CGNL1: variants seen among roughly 807,000 people sequenced by gnomAD.
CGNL1 encodes the protein cingulin like 1.
A neutral mutation model predicts 141.2 loss-of-function variants in CGNL1; 132 were observed. That is an observed-to-expected ratio of 0.93 (90% confidence interval 0.81 to 1.08). The LOEUF (loss-of-function observed/expected upper bound fraction) is 1.08. CGNL1 is among the 50% of genes least tolerant of loss of function. CGNL1 has a pLI of 0.00. For missense variants in CGNL1, 1,870 were observed against 1,588.6 expected (o/e 1.18, Z -3.01); for synonymous variants, 690 against 622.1 (o/e 1.11, Z -1.63).
chr15:57,513,667 C>A (rs966329496), intron 8 of CGNL1, among the ~76,000 whole-genome samples: 33 of 152,076 alleles, frequency 2.2e-4, no homozygotes, highest in African/African-American at 7.7e-4. Flanking sequence ...ATTACAGGCA[C>A]CTGCTACCAT....
At chr15:57,504,038 G>A (rs1274864348) in intron 8 of CGNL1, among the ~76,000 whole-genome samples, 1 of 152,102 alleles carries the variant, frequency 6.6e-6, no homozygotes, top group Non-Finnish European at 1.5e-5. Flanking sequence ...CGCTGGGAGT[G>A]GCATGGCATT....
Position 57,516,877 on chromosome 15 carries a change from T to G in CGNL1, c.2501T>G (p.Leu834Arg), listed in dbSNP as rs2030849099. 2 of 1,613,416 alleles carry G rather than the reference T, an allele frequency of 1.2e-6. No homozygotes were observed. Among genetic ancestry groups the G allele is most frequent in the Non-Finnish European group, 1.7e-6 (2 of 1,180,014 alleles). Residue 834 changes from leucine (L) to arginine (R), a missense_variant, in exon 9 of 19, where the codon CTG (leucine) becomes CGG (arginine). Leu to Arg is a moderately radical substitution (Grantham distance 102). Transcript: ENST00000281282. ...VKLLQEENEK[L>R]QGRSEELERR... ...CTTCTGCAGGAGGAGAATGAGAAGC[T>G]GCAGGGAAGAAGCGAAGAGCTGGAG...
chr15:57,385,619 G>T (rs1177821629), intron 1 of CGNL1, among the ~76,000 whole-genome samples: 1 of 152,178 alleles, frequency 6.6e-6, no homozygotes, highest in African/African-American at 2.4e-5. Flanking sequence ...TGGCTCTTTG[G>T]TTCCTCTTCC....
chr15:57,484,313 T>A (rs2063761491), intron 8 of CGNL1, among the ~76,000 whole-genome samples: 1 of 152,224 alleles, frequency 6.6e-6, no homozygotes, highest in Non-Finnish European at 1.5e-5. Flanking sequence ...TTATTATATT[T>A]AATATCGCAT....
chr15:57,378,148 G>A (rs1197774998), intron 1 of CGNL1, among the ~76,000 whole-genome samples: 2 of 152,142 alleles, frequency 1.3e-5, no homozygotes, highest in African/African-American at 4.8e-5. Flanking sequence ...TAAGGAAAAT[G>A]TAACCATGCT....
intron 8 of CGNL1, among the ~76,000 whole-genome samples, chr15:57,486,914 G>A (rs534771287): frequency 3.0e-4 from 46 of 152,198 alleles, no homozygotes; most frequent in African/African-American, 1.0e-3. Flanking sequence ...ATTGGGAGTG[G>A]TGTTTTAGAA....
At chr15:57,423,962 A>G (rs988668244) in intron 1 of CGNL1, among the ~76,000 whole-genome samples, 1 of 152,150 alleles carries the variant, frequency 6.6e-6, no homozygotes, top group African/African-American at 2.4e-5. Flanking sequence ...TTCTCCATCT[A>G]TGTGACTTCC....
chr15:57,525,893 A>C (rs2031581365), intron 12 of CGNL1, among the ~76,000 whole-genome samples: 1 of 152,176 alleles, frequency 6.6e-6, no homozygotes, highest in Non-Finnish European at 1.5e-5. Context: ...GGTATTAAAA[A>C]AAAAAAAATC....
Position 57,516,241 on chromosome 15 carries a change from G to A in CGNL1, c.2404-539G>A, listed in dbSNP as rs1189724934. The stretch of plus-strand genomic sequence containing the variant: ...CAGGGAAGTGGACATGTCAGAAAGC[G>A]AGGGTTATGAGGACAGGTTCTGGAT... On this transcript the variant is annotated intron_variant, in intron 8 of 18. Coordinates refer to ENST00000281282, the MANE Select transcript of CGNL1 (RefSeq NM_032866.5). Among the ~76,000 whole-genome samples the A allele has an allele frequency of 3.3e-5, 5 of 151,812 alleles. No homozygotes were observed. The East Asian group carries it at 5.8e-4, about 18-fold the overall frequency.
intron 8 of CGNL1, among the ~76,000 whole-genome samples, chr15:57,513,288 GTGTGTGTT>G (rs1192103918): frequency 1.5e-4 from 15 of 101,272 alleles, no homozygotes; most frequent in Non-Finnish European, 1.9e-4. Flanking sequence ...GTGTGTGTGT[GTGTGTGTT>G]TGTGTGATTG....
Position 57,531,791 on chromosome 15 carries a change from T to C in CGNL1, c.3291+12T>C. 6.7e-7 allele frequency: 1 copy of C among 1,495,014 alleles called. No homozygotes were observed. Among genetic ancestry groups the C allele is most frequent in the Non-Finnish European group, 9.3e-7 (1 of 1,071,438 alleles). The allele number at this position is 1,495,014 out of a possible 1,614,324, so 92.6% of individuals were successfully genotyped here. A position where few individuals can be genotyped will look rare whatever the true frequency, so the allele number is the denominator to read the frequency against. On this transcript the variant is annotated intron_variant, in intron 14 of 18. Transcript: ENST00000281282. ...GGAGCAGGGAACAGGTACTATTCTA[T>C]AGGTGAATGATGCGTGGATTGTCCT...
chr15:57,460,767 T>A (rs2063435896), intron 7 of CGNL1, among the ~76,000 whole-genome samples: 1 of 152,088 alleles, frequency 6.6e-6, no homozygotes, highest in South Asian at 2.1e-4. Context: ...CAAGTGGGAA[T>A]TATGGGAATT....
At position 57,399,996 on chromosome 15, in the gene CGNL1, AC is replaced by A. The variant is rs1477016783; in HGVS notation, c.-16+23431del. On this transcript the variant is annotated intron_variant, in intron 1 of 18. Transcript: ENST00000281282. ...CTATAGAAATTGCTGTATTTCTAAT[AC>A]CTTTTTTTTTTTTTTTAATGGGGTC... 3.9e-4 allele frequency among the ~76,000 whole-genome samples: 24 copies of A among 62,144 alleles called. No homozygotes were observed. In the East Asian group the frequency reaches 9.9e-3, roughly 26 times the overall value. 40.8% of individuals were successfully genotyped at this position (62,144 alleles called of 152,430 possible).
intron 1 of CGNL1, among the ~76,000 whole-genome samples, chr15:57,419,946 T>C (rs2062894785): frequency 1.3e-5 from 2 of 152,244 alleles, no homozygotes; most frequent in South Asian, 2.1e-4. Flanking sequence ...TCCCCATTTA[T>C]GTATTTATTT....
chr15:57,411,274 C>T (rs1191525488), intron 1 of CGNL1, among the ~76,000 whole-genome samples: 1 of 152,164 alleles, frequency 6.6e-6, no homozygotes, highest in Non-Finnish European at 1.5e-5. Flanking sequence ...CTTGGAGTCA[C>T]TGCTGGCTTC....
At chr15:57,517,712 G>A (rs576705223) in intron 9 of CGNL1, among the ~76,000 whole-genome samples, 6 of 152,298 alleles carry the variant, frequency 3.9e-5, no homozygotes, top group South Asian at 2.1e-4. Flanking sequence ...TGGCCAGAGG[G>A]GGCCACACTT....
At chr15:57,433,358 T>C (rs1223292345) in intron 1 of CGNL1, among the ~76,000 whole-genome samples, 1 of 152,212 alleles carries the variant, frequency 6.6e-6, no homozygotes, top group African/African-American at 2.4e-5. Context: ...TTCTTCTCCT[T>C]TTCAAAATTC....
At chr15:57,497,574 A>G (rs2063958823) in intron 8 of CGNL1, among the ~76,000 whole-genome samples, 1 of 152,214 alleles carries the variant, frequency 6.6e-6, no homozygotes, top group Non-Finnish European at 1.5e-5. Flanking sequence ...CTTCTTATTT[A>G]ACATAAATAG....
chr15:57,530,591 T>A (rs146067470), intron 13 of CGNL1, among the ~76,000 whole-genome samples: 339 of 152,278 alleles, frequency 2.2e-3, no homozygotes, highest in African/African-American at 7.9e-3. Context: ...CTGACTATAG[T>A]GAGACTGGTC....
Sources: allele counts gnomAD v4.1 joint callset (sites outside exome capture counted in the v4.1 genomes callset), GRCh38; gene constraint gnomAD v4.1.1; transcripts MANE v1.5; gene names NCBI Gene and HGNC (gene_info 2026-07-23, HGNC 2026-07-21).